The following FNDC1 variants were observed in gnomAD, a reference collection of about 807,000 sequenced individuals.
The protein encoded by FNDC1 is fibronectin type III domain containing 1, also known as fibronectin type III domain-containing protein 1.
A neutral mutation model predicts 168.0 loss-of-function variants in FNDC1; 96 were observed. The observed-to-expected ratio is 0.57, with a 90% CI of 0.48 to 0.68. The LOEUF is 0.68. FNDC1 is among the 30% of genes least tolerant of loss of function. The pLI is 0.00. For synonymous variants in FNDC1, 1,099 were observed against 1,025.9 expected (o/e 1.07, Z -1.36); for missense variants, 2,587 against 2,482.1 (o/e 1.04, Z -0.90).
chr6:159,223,736 C>A, intron 7 of FNDC1, 91 bp downstream of exon 7: 1 of 726,598 alleles, frequency 1.4e-6, no homozygotes, highest in Non-Finnish European at 2.3e-6. Context: ...TATTTTCTGA[C>A]TTACATGAAT....
At position 159,270,667 on chromosome 6, in the gene FNDC1, C is replaced by T. The variant is rs115628966; in HGVS notation, c.5570-660C>T. ...TTTTTAGAAGGTTGGAGCATCCCTC[C>T]TACTTCAAGGGAGAAATGGTCAGAA... On this transcript the variant is annotated intron_variant, in intron 22 of 22. Transcript: ENST00000297267. 6.8e-3 allele frequency among the ~76,000 whole-genome samples: 1,036 copies of T among 152,332 alleles called. 12 individuals carry two copies. Among genetic ancestry groups the T allele is most frequent in the African/African-American group, 0.024 (980 of 41,584 alleles).
At chr6:159,236,111 C>G in intron 11 of FNDC1, 104 bp from the exon 12 acceptor site, 1 of 686,926 alleles carries the variant, frequency 1.5e-6, no homozygotes, top group Non-Finnish European at 2.5e-6. Context: ...TTTAGAGCTT[C>G]TATTTGAAAT....
intron 4 of FNDC1, among the ~76,000 whole-genome samples, chr6:159,201,733 G>C (rs1782383637): frequency 6.6e-6 from 1 of 152,172 alleles, no homozygotes; most frequent in East Asian, 1.9e-4. Flanking sequence ...ATTTTCAGAG[G>C]TTGTTTACCT....
chr6:159,234,281 G>A lies in FNDC1; in HGVS notation c.3769G>A (p.Val1257Ile), dbSNP rs1783193588. 6.3e-7 allele frequency: 1 copy of A among 1,598,978 alleles called. No individual in the cohort carries two copies. Among genetic ancestry groups the A allele is most frequent in the Non-Finnish European group, 8.5e-7 (1 of 1,172,942 alleles). Residue 1257 changes from valine (V) to isoleucine (I), a missense_variant, in exon 11 of 23, where the codon GTC becomes ATC. Coordinates refer to ENST00000297267, the MANE Select transcript of FNDC1 (RefSeq NM_032532.3). ...AGGCAGCTCCCCCAGGGCCTCCCAC[G>A]TCCCTTCCCGACTGCCGCCTCGCAG... ...PPGSSPRASH[V>I]PSRLPPRSAA...
At chr6:159,213,511 A>G (rs1406431594) in intron 4 of FNDC1, among the ~76,000 whole-genome samples, 1 of 152,186 alleles carries the variant, frequency 6.6e-6, no homozygotes, top group African/African-American at 2.4e-5. Context: ...CAGCAGGGAC[A>G]CTGTGACCCC....
chr6:159,235,168 C>T (rs1488308549), intron 11 of FNDC1, among the ~76,000 whole-genome samples: 5 of 152,198 alleles, frequency 3.3e-5, no homozygotes, highest in Admixed American at 1.3e-4. Flanking sequence ...ATTTCTATAA[C>T]AGAGGGTTGA....
At chr6:159,258,676 T>C (rs1425300451) in intron 18 of FNDC1, among the ~76,000 whole-genome samples, 2 of 152,220 alleles carry the variant, frequency 1.3e-5, no homozygotes, top group Non-Finnish European at 2.9e-5. Flanking sequence ...GCCCACCTGC[T>C]TATGTGCTCT....
In FNDC1 at chr6:159,271,284, C is replaced by A. The variant is rs769274972; in HGVS notation, c.5570-43C>A. On this transcript the variant is annotated intron_variant, in intron 22 of 22. Coordinates refer to ENST00000297267, the MANE Select transcript of FNDC1 (RefSeq NM_032532.3). ...TAAGGATGAGTTCTACCTGTTGGTT[C>A]AGGGGCCTCTGACGCTTTTCCCCTC... The A allele has an allele frequency of 5.0e-6, 7 of 1,404,944 alleles. No individual in the cohort carries two copies. In the African/African-American group the frequency reaches 8.6e-5, roughly 17 times the overall value. The allele number at this position is 1,404,944 out of a possible 1,614,324, so 87.0% of individuals were successfully genotyped here.
chr6:159,169,927 C>T lies in FNDC1; in HGVS notation c.109+222C>T, dbSNP rs1163506579. The T allele has an allele frequency of 1.3e-5, 3 of 222,718 alleles. No individual in the cohort carries two copies. Among genetic ancestry groups the T allele is most frequent in the African/African-American group, 6.9e-5 (3 of 43,252 alleles). The allele number at this position is 222,718 out of a possible 1,614,324, so 13.8% of individuals were successfully genotyped here. A position where few individuals can be genotyped will look rare whatever the true frequency, so the allele number is the denominator to read the frequency against. On this transcript the variant is annotated intron_variant, in intron 1 of 22. Coordinates refer to ENST00000297267, the MANE Select transcript of FNDC1 (RefSeq NM_032532.3). This position sits in a 1 kb window ranked among gnomAD's most constrained non-coding sequence, Gnocchi z 6.8. ...GCGCTGGCGTTTAACTTTGCCGTCG[C>T]CCGCCTTGGAGTCGGGAGGCTCCAG...
At chr6:159,190,481 T>C (rs1202661527) in intron 1 of FNDC1, among the ~76,000 whole-genome samples, 1 of 152,162 alleles carries the variant, frequency 6.6e-6, no homozygotes, top group Non-Finnish European at 1.5e-5. Flanking sequence ...TGGGAATTCA[T>C]GGGGTGAGGT....
At chr6:159,198,566 G>A (rs1293172130) in intron 2 of FNDC1, among the ~76,000 whole-genome samples, 1 of 152,148 alleles carries the variant, frequency 6.6e-6, no homozygotes, top group Non-Finnish European at 1.5e-5. Flanking sequence ...ACGTCACCTT[G>A]GCTCCCCAAG....
chr6:159,233,810 G>T lies in FNDC1; in HGVS notation c.3298G>T (p.Ala1100Ser). ...GCGGGCCCCCGCGCACGCCGCGCGC[G>T]CCAAGGAGGCAGCTGCGTCCCTTCC... is the stretch of plus-strand genomic sequence containing the variant. Reference protein sequence around the residue: ...DVRAPAHAARAKEAAASLPKH... With the variant: ...DVRAPAHAARSKEAAASLPKH... Residue 1100 changes from alanine to serine, a missense_variant, in exon 11 of 23, where the codon GCC becomes TCC. Transcript: ENST00000297267. This position sits in a 1 kb window ranked among gnomAD's most constrained non-coding sequence, Gnocchi z 4.6. 6.5e-7 allele frequency: 1 copy of T among 1,538,542 alleles called. No individual in the cohort carries two copies. The highest frequency in any genetic ancestry group is 8.8e-7 in the Non-Finnish European group (1 of 1,141,830).
At chr6:159,229,013 T>A (rs1783019810) in intron 9 of FNDC1, among the ~76,000 whole-genome samples, 1 of 152,186 alleles carries the variant, frequency 6.6e-6, no homozygotes, top group Non-Finnish European at 1.5e-5. Flanking sequence ...AAATCTTGGG[T>A]TCATTGAGAG....
At chr6:159,224,043 A>G (rs1380918839) in intron 7 of FNDC1, among the ~76,000 whole-genome samples, 1 of 152,238 alleles carries the variant, frequency 6.6e-6, no homozygotes, top group Non-Finnish European at 1.5e-5. Context: ...ATCCAGGAAG[A>G]GTCACTGTTA....
At chr6:159,183,307 G>C (rs538007481) in intron 1 of FNDC1, among the ~76,000 whole-genome samples, 27 of 152,286 alleles carry the variant, frequency 1.8e-4, no homozygotes, top group African/African-American at 5.8e-4. Context: ...GCCTTGACTT[G>C]ACTTGACATT....
At chr6:159,225,470 A>T (rs1782932888) in intron 7 of FNDC1, 65 bp from the exon 8 acceptor site, 2 of 1,313,484 alleles carry the variant, frequency 1.5e-6, no homozygotes, top group Non-Finnish European at 2.1e-6. Context: ...AAGGAAAAAC[A>T]GCGAGGCATC....
intron 22 of FNDC1, 37 bp downstream of exon 22, chr6:159,267,963 G>C: frequency 1.3e-6 from 2 of 1,588,146 alleles, no homozygotes; most frequent in Non-Finnish European, 1.7e-6. Flanking sequence ...TATCCTAGGA[G>C]GTGGGAGACA....
chr6:159,233,686 G>T lies in FNDC1; in HGVS notation c.3174G>T (p.Ala1058=). ...RSHSSSDPYT[A]SSRGMLPTAL... is the part of the protein sequence containing the mutation. ...ACTCCTCCTCGGACCCTTACACGGC[G>T]AGCTCCAGAGGGATGCTCCCCACGG... is the stretch of plus-strand genomic sequence containing the variant. Residue 1058 remains alanine, a synonymous_variant, in exon 11 of 23, where the codon GCG becomes GCT. Transcript: ENST00000297267. The surrounding 1 kb of genome is among the most constrained non-coding windows in gnomAD (Gnocchi z 4.6). The T allele has an allele frequency of 6.5e-7, 1 of 1,549,482 alleles. No homozygotes were observed.
At chr6:159,267,758 T>C (rs372282110) in intron 21 of FNDC1, 46 bp from the exon 22 acceptor site, 41 of 1,608,136 alleles carry the variant, frequency 2.5e-5, no homozygotes, top group Middle Eastern at 1.6e-4. Context: ...AAACCAGTTG[T>C]GACTTTCTGT....
Sources: allele counts gnomAD v4.1 joint callset (sites outside exome capture counted in the v4.1 genomes callset), GRCh38; gene constraint gnomAD v4.1.1; non-coding constraint Gnocchi (gnomAD v3.1); transcripts MANE v1.5; gene names NCBI Gene and HGNC (gene_info 2026-07-23, HGNC 2026-07-21).